RBM47: variants seen among roughly 807,000 people sequenced by gnomAD.
RBM47 encodes the protein RNA-binding protein 47.
RBM47 carries 21 observed loss-of-function variants against 47.1 expected under a neutral mutation model. The observed-to-expected ratio is 0.45, with a 90% CI of 0.32 to 0.64. RBM47 has a LOEUF of 0.64. Among genes scored for constraint, RBM47 ranks in the 30% least tolerant of loss-of-function variants. The probability of loss-of-function intolerance (pLI) is 0.05; values close to 1 mark genes in which losing one functional copy is unlikely to be tolerated. For missense variants in RBM47, 708 were observed against 870.9 expected (o/e 0.81, Z 2.35); for synonymous variants, 375 against 361.7 (o/e 1.04, Z -0.42).
At chr4:40,591,381 G>T (rs1578027014) in intron 1 of RBM47, among the ~76,000 whole-genome samples, 1 of 152,092 alleles carries the variant, frequency 6.6e-6, no homozygotes, top group East Asian at 1.9e-4. Context: ...CAACATCTGG[G>T]ATAAGAAAAT....
At chr4:40,614,427 C>G (rs1736531145) in intron 1 of RBM47, among the ~76,000 whole-genome samples, 1 of 152,150 alleles carries the variant, frequency 6.6e-6, no homozygotes. Flanking sequence ...GGAGAAGGGC[C>G]ATGGCCAGGG....
Position 40,437,804 on chromosome 4 carries a change from G to C in RBM47, c.1090C>G (p.Leu364Val), listed in dbSNP as rs1712898686. ...LAYYGYPYNA[L>V]IGPNRDYFVK... ...AAGTAGTCCCTGTTGGGCCCAATGA[G>C]CGCGTTGTAGGGGTAGCCGTAGTAG... is the stretch of plus-strand genomic sequence containing the variant. Residue 364 changes from leucine (L) to valine (V), a missense_variant, in exon 4 of 7, where the codon CTC (leucine) becomes GTC (valine). Transcript: ENST00000295971. 6.2e-7 allele frequency: 1 copy of C among 1,609,320 alleles called. No homozygotes were observed. The highest frequency in any genetic ancestry group is 8.5e-7 in the Non-Finnish European group (1 of 1,176,134).
intron 2 of RBM47, among the ~76,000 whole-genome samples, chr4:40,509,884 A>T (rs1248496774): frequency 6.8e-6 from 1 of 147,576 alleles, no homozygotes; most frequent in East Asian, 2.0e-4. Context: ...CTCCGTCTCA[A>T]AAAAAAAAAG....
chr4:40,526,454 T>C (rs149649132), intron 2 of RBM47, among the ~76,000 whole-genome samples: 2 of 148,858 alleles, frequency 1.3e-5, no homozygotes, highest in East Asian at 3.9e-4. Context: ...AGTCACTGAG[T>C]ACAGAGGATG....
At chr4:40,524,832 G>A (rs1048312762) in intron 2 of RBM47, among the ~76,000 whole-genome samples, 11 of 152,132 alleles carry the variant, frequency 7.2e-5, no homozygotes, top group Non-Finnish European at 1.2e-4. Flanking sequence ...CCGGTACTGC[G>A]CTAGAATCTT....
At chr4:40,534,309 C>G (rs1370461440) in intron 2 of RBM47, among the ~76,000 whole-genome samples, 1 of 151,926 alleles carries the variant, frequency 6.6e-6, no homozygotes, top group African/African-American at 2.4e-5. Context: ...ACTTGAAACA[C>G]AAGAAGATGC....
chr4:40,561,144 C>A lies in RBM47; in HGVS notation c.-239-16638G>T, dbSNP rs900306829. 2.0e-5 allele frequency among the ~76,000 whole-genome samples: 3 copies of A among 151,730 alleles called. No homozygotes were observed. In the East Asian group the frequency reaches 5.8e-4, roughly 29 times the overall value. ...ACTTTCAGTAAAGAAGACTGAGGTC[C>A]AGAGAGATTATCTTATTATAAAGTG... On this transcript the variant is annotated intron_variant, in intron 1 of 6. Coordinates refer to ENST00000295971, the MANE Select transcript of RBM47 (RefSeq NM_001098634.2).
rs778350830 is a variant in RBM47 at position 40,434,003 on chromosome 4, GTGTGTGTGT to G, written c.1331-1150_1331-1142del. ...GTGAGTGTGTGTGTGTGGGGCGGGG[GTGTGTGTGT>G]GTGTGTGTGTGTGTGTGTGTGTGTG... On this transcript the variant is annotated intron_variant, in intron 5 of 6. Transcript: ENST00000295971. 7.2e-4 allele frequency among the ~76,000 whole-genome samples: 58 copies of G among 80,142 alleles called. 5 individuals carry two copies. The highest frequency in any genetic ancestry group is 3.4e-3 in the South Asian group (10 of 2,946). The allele number at this position is 80,142 out of a possible 152,430, so 52.6% of individuals were successfully genotyped here. A position where few individuals can be genotyped will look rare whatever the true frequency, so the allele number is the denominator to read the frequency against.
intron 2 of RBM47, among the ~76,000 whole-genome samples, chr4:40,512,401 G>A (rs2154253808): frequency 1.0e-5 from 1 of 95,456 alleles, no homozygotes. Context: ...GTGACAGAAC[G>A]AAACTCCATC....
Position 40,613,702 on chromosome 4 carries a change from A to T in RBM47, c.-240+15694T>A, listed in dbSNP as rs199706515. ...CCAGGTATGGTGACTCATGCTTGTA[A>T]TCCCAGCACTTTGGGAGGCCAAGGC... On this transcript the variant is annotated intron_variant, in intron 1 of 6. Coordinates refer to ENST00000295971, the MANE Select transcript of RBM47 (RefSeq NM_001098634.2). 3.9e-5 allele frequency among the ~76,000 whole-genome samples: 6 copies of T among 152,138 alleles called. No homozygotes were observed. In the East Asian group the frequency reaches 1.2e-3, roughly 29 times the overall value.
At chr4:40,606,868 C>T (rs1735804744) in intron 1 of RBM47, among the ~76,000 whole-genome samples, 1 of 151,982 alleles carries the variant, frequency 6.6e-6, no homozygotes, top group Admixed American at 6.6e-5. Context: ...ATAAGTTAGC[C>T]AGGCGTGGAG....
intron 3 of RBM47, among the ~76,000 whole-genome samples, chr4:40,450,130 G>A (rs1487343806): frequency 6.6e-6 from 1 of 152,118 alleles, no homozygotes; most frequent in African/African-American, 2.4e-5. Flanking sequence ...CAGTAGGAGG[G>A]ACTTCTAGTT....
intron 1 of RBM47, among the ~76,000 whole-genome samples, chr4:40,616,898 CAG>C (rs1342486878): frequency 7.8e-5 from 8 of 102,766 alleles, no homozygotes; most frequent in Admixed American, 3.9e-4. Flanking sequence ...TTTTTTGAGA[CAG>C]AGTCTTGCTC....
intron 2 of RBM47, among the ~76,000 whole-genome samples, chr4:40,505,510 G>A (rs1051402675): frequency 2.0e-5 from 3 of 149,552 alleles, no homozygotes; most frequent in African/African-American, 7.4e-5. Flanking sequence ...AAAAAAAGAT[G>A]CTGGACTAAA....
At chr4:40,623,538 T>C (rs1385643480) in intron 1 of RBM47, among the ~76,000 whole-genome samples, 1 of 152,096 alleles carries the variant, frequency 6.6e-6, no homozygotes, top group African/African-American at 2.4e-5. Flanking sequence ...CTCACTATGT[T>C]ACCCAGGCTG....
At chr4:40,501,299 G>T (rs754587445) in intron 2 of RBM47, among the ~76,000 whole-genome samples, 2 of 152,226 alleles carry the variant, frequency 1.3e-5, no homozygotes, top group African/African-American at 2.4e-5. Context: ...GATAAAAAAA[G>T]TTGGATGACA....
At chr4:40,527,285 G>A (rs536165615) in intron 2 of RBM47, among the ~76,000 whole-genome samples, 4 of 146,612 alleles carry the variant, frequency 2.7e-5, no homozygotes, top group Non-Finnish European at 4.4e-5. Flanking sequence ...ACCACAACTG[G>A]CTAATTTTTT....
rs1260570536 is a variant in RBM47, at chr4:40,629,511, T to G, written c.-355A>C. On this transcript the variant is annotated 5_prime_UTR_variant, in exon 1 of 7. Coordinates refer to ENST00000295971, the MANE Select transcript of RBM47 (RefSeq NM_001098634.2). ...ACAACATCTTCTCGTCCGCCTTCTT[T>G]TTAATGTAAAACCAAAATAAGGAGT... The G allele has an allele frequency of 6.6e-6, 1 of 152,198 alleles. No homozygotes were observed. The highest frequency in any genetic ancestry group is 1.5e-5 in the Non-Finnish European group (1 of 68,040). The allele number at this position is 152,198 out of a possible 1,614,324, so 9.4% of individuals were successfully genotyped here.
chr4:40,500,319 A>C (rs6830619), intron 2 of RBM47, among the ~76,000 whole-genome samples: 64,408 of 149,360 alleles, frequency 0.43, 13,705 homozygotes, highest in Non-Finnish European at 0.46. Flanking sequence ...GTCCCCCCCC[A>C]AAAAAAAAAG....
Sources: gnomAD v4.1 joint callset for allele counts (sites outside exome capture counted in the v4.1 genomes callset) on GRCh38, gnomAD v4.1.1 for gene constraint, MANE v1.5 for transcripts, NCBI Gene and HGNC (gene_info 2026-07-23, HGNC 2026-07-21) for gene names.